Variants in MITF observed in about 807,000 individuals in gnomAD.
The protein encoded by MITF is melanocyte inducing transcription factor.
A neutral mutation model predicts 60.5 loss-of-function variants in MITF; 17 were observed. The observed-to-expected ratio is 0.28, with a 90% confidence interval of 0.19 to 0.42. The LOEUF (loss-of-function observed/expected upper bound fraction) is 0.42. MITF is among the 10% of genes least tolerant of loss of function. The probability of loss-of-function intolerance (pLI) is 1.00; values close to 1 mark genes in which losing one functional copy is unlikely to be tolerated. For missense variants in MITF, 622 were observed against 683.5 expected, an observed-to-expected ratio of 0.91 and a Z score of 1.00; for synonymous variants, 260 against 248.5, an observed-to-expected ratio of 1.05 and a Z score of -0.43.
chr3:69,758,067 C>T (rs1268739436), intron 1 of MITF, among the ~76,000 whole-genome samples: 1 of 138,634 alleles, frequency 7.2e-6, no homozygotes, highest in Non-Finnish European at 1.5e-5. Context: ...CTCTCTTCCA[C>T]CACTCATAAA....
At chr3:69,778,103 C>T (rs1311864950) in intron 1 of MITF, among the ~76,000 whole-genome samples, 1 of 152,002 alleles carries the variant, frequency 6.6e-6, no homozygotes, top group East Asian at 1.9e-4. Context: ...GAAGGAGAAT[C>T]GTAGGGTGGG....
intron 5 of MITF, among the ~76,000 whole-genome samples, chr3:69,948,401 C>CT (rs5849932): frequency 0.018 from 2,651 of 146,974 alleles, 60 homozygotes; most frequent in African/African-American, 0.061. Context: ...ATTTCTTTTA[C>CT]TTTTTTTTTT....
chr3:69,835,200 T>C (rs13067374), intron 1 of MITF, among the ~76,000 whole-genome samples: 1 of 152,012 alleles, frequency 6.6e-6, no homozygotes, highest in Admixed American at 6.6e-5. Flanking sequence ...GTAGTTTTTG[T>C]AGAGACCGGG....
intron 1 of MITF, among the ~76,000 whole-genome samples, chr3:69,743,312 A>G (rs1703601362): frequency 2.0e-5 from 3 of 152,230 alleles, no homozygotes; most frequent in African/African-American, 7.2e-5. Flanking sequence ...TTGTTTGAGT[A>G]TGTGTTGCTT....
At chr3:69,920,207 G>T (rs555822323) in intron 2 of MITF, among the ~76,000 whole-genome samples, 1 of 152,198 alleles carries the variant, frequency 6.6e-6, no homozygotes. Flanking sequence ...TAGCGGTGAT[G>T]CCAGCATCTG....
In MITF at chr3:69,966,699, G is replaced by A; in HGVS notation, c.*1451G>A. The A allele has an allele frequency of 4.3e-6, 1 of 233,010 alleles. No homozygotes were observed. Among genetic ancestry groups the A allele is most frequent in the East Asian group, 6.1e-5 (1 of 16,414 alleles). 14.4% of individuals were successfully genotyped at this position (233,010 alleles called of 1,614,324 possible). ...TGTAGTCCTATGCAATAACAGTAGT[G>A]TTACATGTATCAAGCCTAGATGTTT... On this transcript the variant is annotated 3_prime_UTR_variant, in exon 10 of 10. Coordinates refer to ENST00000352241, the MANE Select transcript of MITF (RefSeq NM_001354604.2).
chr3:69,808,307 G>A (rs2063043683), intron 1 of MITF, among the ~76,000 whole-genome samples: 1 of 151,954 alleles, frequency 6.6e-6, no homozygotes, highest in South Asian at 2.1e-4. Flanking sequence ...ATGCCTTTGA[G>A]AGTCAAGGGG....
chr3:69,832,713 A>G (rs1385405524), intron 1 of MITF, among the ~76,000 whole-genome samples: 2 of 152,058 alleles, frequency 1.3e-5, no homozygotes, highest in East Asian at 1.9e-4. Context: ...GTTACACCAT[A>G]TATAGTTGTT....
rs552317671 is a variant in MITF at position 69,876,894 on chromosome 3, G to A, written c.105-2240G>A. On this transcript the variant is annotated intron_variant, in intron 1 of 9. Coordinates refer to ENST00000352241, the MANE Select transcript of MITF (RefSeq NM_001354604.2). Reference sequence around the variant, plus strand: ...ATTAGTGTCTAGAGGCATATATTCTGCCATTGAAAAAATACTATGACTTCT... The same window carrying A: ...ATTAGTGTCTAGAGGCATATATTCTACCATTGAAAAAATACTATGACTTCT... Among the ~76,000 whole-genome samples, 6 of 152,196 alleles carry A rather than the reference G, an allele frequency of 3.9e-5. 1 individual carries two copies. Among genetic ancestry groups the A allele is most frequent in the African/African-American group, 1.4e-4 (6 of 41,532 alleles).
At chr3:69,822,090 C>G (rs141171057) in intron 1 of MITF, among the ~76,000 whole-genome samples, 189 of 152,272 alleles carry the variant, frequency 1.2e-3, no homozygotes, top group African/African-American at 4.3e-3. Context: ...ATATTTTGCT[C>G]TTATCTTCTG....
intron 1 of MITF, among the ~76,000 whole-genome samples, chr3:69,844,382 A>G (rs539266748): frequency 4.1e-4 from 62 of 152,332 alleles, no homozygotes; most frequent in African/African-American, 1.5e-3. Flanking sequence ...AGGATTCCCT[A>G]TTTAATAAAT....
chr3:69,805,903 C>T (rs1436835664), intron 1 of MITF, among the ~76,000 whole-genome samples: 1 of 152,092 alleles, frequency 6.6e-6, no homozygotes, highest in African/African-American at 2.4e-5. Flanking sequence ...TTAGGTGATC[C>T]TCCTGCCTTG....
chr3:69,768,632 A>C (rs2106829184), intron 1 of MITF, among the ~76,000 whole-genome samples: 1 of 152,316 alleles, frequency 6.6e-6, no homozygotes, highest in African/African-American at 2.4e-5. Flanking sequence ...TCATGTGCAG[A>C]AGCAAGAATT....
intron 9 of MITF, among the ~76,000 whole-genome samples, chr3:69,963,684 T>G (rs2107548670): frequency 6.6e-6 from 1 of 152,322 alleles, no homozygotes; most frequent in South Asian, 2.1e-4. Flanking sequence ...GCCACAATGA[T>G]GTTCATGTGG....
chr3:69,775,967 A>T (rs949733545), intron 1 of MITF, among the ~76,000 whole-genome samples: 1 of 152,204 alleles, frequency 6.6e-6, no homozygotes, highest in South Asian at 2.1e-4. Flanking sequence ...TGCAGTGTGC[A>T]TTGCGGTTAC....
intron 1 of MITF, among the ~76,000 whole-genome samples, chr3:69,788,666 T>G (rs2062691034): frequency 6.6e-6 from 1 of 152,106 alleles, no homozygotes; most frequent in Admixed American, 6.6e-5. Flanking sequence ...AAGAACAAAT[T>G]TGAAGGACTC....
intron 1 of MITF, among the ~76,000 whole-genome samples, chr3:69,839,751 T>TA (rs547331743): frequency 2.7e-4 from 39 of 144,776 alleles, no homozygotes; most frequent in African/African-American, 4.0e-4. Context: ...AACCGATATT[T>TA]AAAAAAAAAA....
intron 1 of MITF, among the ~76,000 whole-genome samples, chr3:69,740,917 G>A (rs1335822706): frequency 6.6e-6 from 1 of 152,196 alleles, no homozygotes; most frequent in South Asian, 2.1e-4. Context: ...TGTAATCTTG[G>A]CCTCTGGCGA....
intron 2 of MITF, among the ~76,000 whole-genome samples, chr3:69,888,044 G>T (rs1049259160): frequency 6.6e-6 from 1 of 152,022 alleles, no homozygotes; most frequent in Non-Finnish European, 1.5e-5. Flanking sequence ...TCAATCACCC[G>T]GTCGGGAAGT....
Sources: gnomAD v4.1 joint callset for allele counts (sites outside exome capture counted in the v4.1 genomes callset) on GRCh38, gnomAD v4.1.1 for gene constraint, MANE v1.5 for transcripts, NCBI Gene and HGNC (gene_info 2026-07-23, HGNC 2026-07-21) for gene names.